GALNT8: variants seen among roughly 807,000 people sequenced by gnomAD.
GALNT8 encodes the protein polypeptide N-acetylgalactosaminyltransferase 8.
GALNT8 carries 66 observed loss-of-function variants against 62.7 expected under a neutral mutation model. That is an observed-to-expected ratio of 1.05 (90% CI 0.86 to 1.29). GALNT8 has a LOEUF of 1.29. Among genes scored for constraint, GALNT8 ranks in the 50% most tolerant of loss-of-function variants. GALNT8 has a pLI of 0.00. For missense variants in GALNT8, 771 were observed against 791.8 expected (o/e 0.97, Z 0.32); for synonymous variants, 288 against 294.3 (o/e 0.98, Z 0.22).
At position 4,761,110 on chromosome 12, in the gene GALNT8, C is replaced by T. The variant is rs770609421; in HGVS notation, c.1326C>T (p.His442=). The T allele has an allele frequency of 1.9e-6, 3 of 1,614,104 alleles. 1 individual carries two copies. The Admixed American group carries it at 5.0e-5, about 27-fold the overall frequency. The part of the protein sequence containing the change: ...VAEIWMDEHK[H]MVYLAWNIPL... ...AAATCTGGATGGATGAGCACAAACACATGGTCTACTTGGCCTGGAACATAC... is the reference window on the plus strand; with the variant it reads ...AAATCTGGATGGATGAGCACAAACATATGGTCTACTTGGCCTGGAACATAC... The change falls in exon 7 of 11, where the codon CAC becomes CAT. Residue 442 remains histidine (H), a synonymous_variant. Transcript: ENST00000252318.
intron 1 of GALNT8, among the ~76,000 whole-genome samples, chr12:4,721,325 T>C (rs1036941679): frequency 2.0e-5 from 3 of 151,910 alleles, no homozygotes; most frequent in African/African-American, 7.3e-5. Flanking sequence ...ACAAAGTATG[T>C]AGAGAGAAAT....
intron 1 of GALNT8, among the ~76,000 whole-genome samples, chr12:4,723,720 C>T (rs1946181337): frequency 6.8e-6 from 1 of 147,446 alleles, no homozygotes; most frequent in African/African-American, 2.5e-5. Context: ...CTCAAAAAGT[C>T]TTCTGGGCCC....
At chr12:4,729,692 T>A (rs1946212653) in intron 2 of GALNT8, among the ~76,000 whole-genome samples, 1 of 152,112 alleles carries the variant, frequency 6.6e-6, no homozygotes, top group African/African-American at 2.4e-5. Flanking sequence ...CCAATGAAAA[T>A]GGGAGTGCAG....
At chr12:4,735,540 C>G (rs919253484) in intron 2 of GALNT8, among the ~76,000 whole-genome samples, 1 of 152,240 alleles carries the variant, frequency 6.6e-6, no homozygotes, top group African/African-American at 2.4e-5. Context: ...TGCAAAAGCT[C>G]TATGCCTAGT....
chr12:4,764,719 ATTT>A (rs750518123), intron 9 of GALNT8, among the ~76,000 whole-genome samples: 2 of 129,476 alleles, frequency 1.5e-5, no homozygotes, highest in African/African-American at 2.8e-5. Context: ...AATTTTTTGT[ATTT>A]TTTTTTTTTT....
chr12:4,728,217 T>A (rs1025475951), intron 2 of GALNT8, among the ~76,000 whole-genome samples: 2 of 150,960 alleles, frequency 1.3e-5, no homozygotes, highest in Non-Finnish European at 3.0e-5. Context: ...TTGGCTTATT[T>A]TTTTTTTTAT....
At chr12:4,761,901 A>C (rs1425027475) in intron 7 of GALNT8, among the ~76,000 whole-genome samples, 1 of 152,110 alleles carries the variant, frequency 6.6e-6, no homozygotes, top group African/African-American at 2.4e-5. Flanking sequence ...GTTCTAATGT[A>C]GCCCCCAGAA....
At chr12:4,756,499 A>G (rs1946345754) in intron 6 of GALNT8, among the ~76,000 whole-genome samples, 1 of 152,222 alleles carries the variant, frequency 6.6e-6, no homozygotes, top group Admixed American at 6.5e-5. Context: ...TGGCATTGTA[A>G]CAAACACTGA....
Position 4,720,661 on chromosome 12 carries a change from C to A in GALNT8, c.-17C>A. The A allele has an allele frequency of 6.5e-7, 1 of 1,543,964 alleles. No homozygotes were observed. Among genetic ancestry groups the A allele is most frequent in the Non-Finnish European group, 9.0e-7 (1 of 1,116,000 alleles). ...CACACTCAGTCCCACAGGGAGTGGA[C>A]GACCCCCAGGAAGAAGATGATGTTT... On this transcript the variant is annotated 5_prime_UTR_variant, in exon 1 of 11. Transcript: ENST00000252318.
intron 6 of GALNT8, among the ~76,000 whole-genome samples, chr12:4,754,712 A>G (rs1398942055): frequency 3.9e-5 from 6 of 152,030 alleles, no homozygotes. Context: ...GCTGGTACCT[A>G]AAGCCAGCAA....
chr12:4,766,885 A>G (rs906403412), intron 10 of GALNT8, among the ~76,000 whole-genome samples: 6 of 151,904 alleles, frequency 3.9e-5, no homozygotes, highest in African/African-American at 1.4e-4. Context: ...GAAAACATAC[A>G]TATGACCTAT....
intron 10 of GALNT8, among the ~76,000 whole-genome samples, chr12:4,765,935 C>A (rs1946398077): frequency 6.6e-6 from 1 of 152,226 alleles, no homozygotes; most frequent in African/African-American, 2.4e-5. Flanking sequence ...CACATGCCAC[C>A]ATGCCCAGTT....
rs544083931 is a variant in GALNT8 at position 4,764,145 on chromosome 12, G to A, written c.1593+98G>A. On this transcript the variant is annotated intron_variant, in intron 9 of 10. Transcript: ENST00000252318. ...GTCTGGACTCCGTGATACGTGATGG[G>A]GAGGCAGGAGCGGAGCATCCTGGGT... The A allele has an allele frequency of 2.2e-4, 167 of 773,760 alleles. No individual in the cohort carries two copies. In the African/African-American group the frequency reaches 2.7e-3, roughly 12 times the overall value. The allele number at this position is 773,760 out of a possible 1,614,324, so 47.9% of individuals were successfully genotyped here.
At position 4,763,333 on chromosome 12, in the gene GALNT8, C is replaced by G; in HGVS notation, c.1440C>G (p.Tyr480Ter). Residue 480 changes from tyrosine to a stop codon, truncating the protein, a stop_gained, in exon 8 of 11, where the codon TAC becomes TAG. Transcript: ENST00000252318. LOFTEE classifies it high-confidence loss of function. ...TGAAATGTAAAACTTTTGACTGGTA[C>G]CTGAAAAATGTTTATCCACTCTTGA... ...EKLKCKTFDW[Y>*]LKNVYPLLKP... 6.2e-7 allele frequency: 1 copy of G among 1,611,994 alleles called. No individual in the cohort carries two copies. The highest frequency in any genetic ancestry group is 1.7e-5 in the Admixed American group (1 of 60,024).
chr12:4,747,616 G>T, intron 6 of GALNT8, among the ~76,000 whole-genome samples: 1 of 151,878 alleles, frequency 6.6e-6, no homozygotes, highest in Non-Finnish European at 1.5e-5. Context: ...CCATTCATCT[G>T]TTGATGGACA....
intron 2 of GALNT8, among the ~76,000 whole-genome samples, chr12:4,733,942 C>T (rs1187499802): frequency 6.6e-6 from 1 of 152,178 alleles, no homozygotes; most frequent in Non-Finnish European, 1.5e-5. Context: ...CTAAGCTGAT[C>T]CACTTCTTTT....
chr12:4,765,441 T>A lies in GALNT8; in HGVS notation c.1656T>A (p.Ala552=), dbSNP rs774608912. 6.2e-6 allele frequency: 10 copies of A among 1,609,986 alleles called. No homozygotes were observed. The Admixed American group carries it at 1.2e-4, about 19-fold the overall frequency. The change falls in exon 10 of 11, where the codon GCT becomes GCA. Residue 552 remains alanine, a synonymous_variant. Coordinates refer to ENST00000252318, the MANE Select transcript of GALNT8 (RefSeq NM_017417.2). The part of the protein sequence containing the change: ...YVGQLIAEAS[A]SDRCLTDPGK... ...GACAACTGATTGCAGAGGCCAGTGC[T>A]AGTGATCGCTGCCTGACAGACCCTG...
At chr12:4,735,132 G>T (rs1005245179) in intron 2 of GALNT8, among the ~76,000 whole-genome samples, 2 of 152,228 alleles carry the variant, frequency 1.3e-5, no homozygotes, top group Non-Finnish European at 2.9e-5. Flanking sequence ...TTTAAAAAAT[G>T]TGTGGATTGA....
Position 4,759,161 on chromosome 12 carries a change from C to A in GALNT8, c.1174-1797C>A, listed in dbSNP as rs527274181. 3.9e-5 allele frequency among the ~76,000 whole-genome samples: 6 copies of A among 152,180 alleles called. No individual in the cohort carries two copies. In the East Asian group the frequency reaches 5.8e-4, roughly 15 times the overall value. ...CCCTGAATTCACGTGAGTTGAAAAC[C>A]TCCATCAGCTAGGAAAATTGGAGTA... On this transcript the variant is annotated intron_variant, in intron 6 of 10. Coordinates refer to ENST00000252318, the MANE Select transcript of GALNT8 (RefSeq NM_017417.2).
Sources: allele counts gnomAD v4.1 joint callset (sites outside exome capture counted in the v4.1 genomes callset), GRCh38; gene constraint gnomAD v4.1.1; transcripts MANE v1.5; gene names NCBI Gene and HGNC (gene_info 2026-07-23, HGNC 2026-07-21).